RPSA2: variants seen among roughly 807,000 people sequenced by gnomAD.
RPSA2 encodes ribosomal protein SA 2, also known as small ribosomal subunit protein uS2B.
chr19:23,835,660 A>G, the RPSA2 span, among the ~76,000 whole-genome samples: 1 of 151,860 alleles, frequency 6.6e-6, no homozygotes, highest in South Asian at 2.1e-4. Flanking sequence ...CTTTTGAGAT[A>G]GAGTCTTGCT....
chr19:23,851,570 T>C, the RPSA2 span, among the ~76,000 whole-genome samples: 1 of 152,212 alleles, frequency 6.6e-6, no homozygotes, highest in Non-Finnish European at 1.5e-5. Flanking sequence ...ATATTTTTAG[T>C]GGCATGCATA....
chr19:23,769,120 T>C, the RPSA2 span, among the ~76,000 whole-genome samples: 7 of 152,230 alleles, frequency 4.6e-5, no homozygotes, highest in Admixed American at 3.3e-4. Flanking sequence ...TGAGACTGTG[T>C]GACTCTCTTC....
the RPSA2 span, among the ~76,000 whole-genome samples, chr19:23,856,750 A>C: frequency 2.0e-5 from 3 of 152,168 alleles, no homozygotes; most frequent in Non-Finnish European, 4.4e-5. Flanking sequence ...GTGACATCAC[A>C]TATCGGTAGG....
At chr19:23,829,512 G>T in the RPSA2 span, among the ~76,000 whole-genome samples, 1 of 152,174 alleles carries the variant, frequency 6.6e-6, no homozygotes, top group African/African-American at 2.4e-5. Flanking sequence ...TGTTGGTCAG[G>T]CTAGTCTTGA....
the RPSA2 span, among the ~76,000 whole-genome samples, chr19:23,854,412 A>G: frequency 6.6e-6 from 1 of 152,100 alleles, no homozygotes; most frequent in Non-Finnish European, 1.5e-5. Flanking sequence ...AGAGGCTGGG[A>G]CCCACCTGGG....
chr19:23,791,801 A>G, the RPSA2 span, among the ~76,000 whole-genome samples: 150,195 of 151,624 alleles, frequency 0.99, 74,406 homozygotes, highest in Middle Eastern at 1. Flanking sequence ...GTGCAGTGGC[A>G]TGATCTTGGC....
the RPSA2 span, among the ~76,000 whole-genome samples, chr19:23,787,979 G>T: frequency 6.6e-6 from 1 of 152,212 alleles, no homozygotes; most frequent in Non-Finnish European, 1.5e-5. Context: ...TTGGGCCTGG[G>T]TCATGCTAAC....
the RPSA2 span, among the ~76,000 whole-genome samples, chr19:23,772,276 G>A: frequency 1.3e-5 from 2 of 152,156 alleles, no homozygotes; most frequent in Non-Finnish European, 2.9e-5. Context: ...TCTGTTGCCT[G>A]TGCTGTGCTT....
At chr19:23,871,090 A>T in the RPSA2 span, among the ~76,000 whole-genome samples, 2 of 152,178 alleles carry the variant, frequency 1.3e-5, no homozygotes, top group African/African-American at 4.8e-5. Context: ...CTCAATAAAT[A>T]TAAAGGGCTC....
chr19:23,823,997 T>G, the RPSA2 span: 1 of 152,170 alleles, frequency 6.6e-6, no homozygotes, highest in East Asian at 1.9e-4. Flanking sequence ...GAGAGGCCAG[T>G]GGGTGAAACT....
the RPSA2 span, among the ~76,000 whole-genome samples, chr19:23,781,190 G>T: frequency 2.6e-5 from 4 of 152,130 alleles, no homozygotes; most frequent in Admixed American, 1.3e-4. Flanking sequence ...GGCCAGACTG[G>T]TCTCGAACTC....
At chr19:23,791,527 G>T in the RPSA2 span, among the ~76,000 whole-genome samples, 3,324 of 152,124 alleles carry the variant, frequency 0.022, 128 homozygotes, top group African/African-American at 0.076. Flanking sequence ...CAATGGTGAC[G>T]GATTTTTCCC....
chr19:23,766,187 C>G, the RPSA2 span, among the ~76,000 whole-genome samples: 4 of 110,578 alleles, frequency 3.6e-5, no homozygotes, highest in Admixed American at 1.4e-4. Flanking sequence ...GAGTCTCACT[C>G]TCTTTCCCAG....
At chr19:23,847,548 G>T in the RPSA2 span, among the ~76,000 whole-genome samples, 1 of 152,104 alleles carries the variant, frequency 6.6e-6, no homozygotes, top group Non-Finnish European at 1.5e-5. Flanking sequence ...CAGGGAGTAG[G>T]TCACAAAGAT....
the RPSA2 span, among the ~76,000 whole-genome samples, chr19:23,813,112 G>A: frequency 6.6e-6 from 1 of 151,528 alleles, no homozygotes; most frequent in African/African-American, 2.4e-5. Flanking sequence ...GTGTGTACCT[G>A]TGGTCTCAGC....
chr19:23,836,273 C>T, the RPSA2 span, among the ~76,000 whole-genome samples: 2 of 152,100 alleles, frequency 1.3e-5, no homozygotes, highest in African/African-American at 4.8e-5. Flanking sequence ...TGAGTTACTT[C>T]ACGTAGAATA....
At chr19:23,843,858 C>A in the RPSA2 span, among the ~76,000 whole-genome samples, 1 of 152,122 alleles carries the variant, frequency 6.6e-6, no homozygotes, top group Non-Finnish European at 1.5e-5. Flanking sequence ...CTCCTGGGTT[C>A]AAGCGATTCT....
At chr19:23,772,727 C>G in the RPSA2 span, among the ~76,000 whole-genome samples, 1 of 152,164 alleles carries the variant, frequency 6.6e-6, no homozygotes, top group African/African-American at 2.4e-5. Flanking sequence ...TTGCTGAGGT[C>G]TTGAATCTCA....
the RPSA2 span, among the ~76,000 whole-genome samples, chr19:23,858,500 C>G: frequency 5.2e-4 from 79 of 152,278 alleles, no homozygotes; most frequent in Non-Finnish European, 8.5e-4. Context: ...GTTGTAGATA[C>G]AGGAGTTAGA....
Sources: allele counts gnomAD v4.1 joint callset (sites outside exome capture counted in the v4.1 genomes callset), GRCh38; gene constraint gnomAD v4.1.1; transcripts MANE v1.5; gene names NCBI Gene and HGNC (gene_info 2026-07-23, HGNC 2026-07-21).